Variants in ARK2N observed in about 807,000 individuals in gnomAD.
ARK2N encodes arkadia (RNF111) N-terminal like PKA signaling regulator 2N, also known as protein ARK2N.
the ARK2N span, chr18:46,228,972 G>C: frequency 5.1e-6 from 2 of 391,696 alleles, no homozygotes; most frequent in African/African-American, 2.1e-5. Flanking sequence ...ACAAAATTTT[G>C]AGGAAAGGAA....
At chr18:46,198,451 T>G in the ARK2N span, among the ~76,000 whole-genome samples, 1 of 152,170 alleles carries the variant, frequency 6.6e-6, no homozygotes, top group Non-Finnish European at 1.5e-5. Context: ...AAAAAGTTCA[T>G]TCTCCCATTT....
chr18:46,216,099 C>T, the ARK2N span: 4 of 1,613,958 alleles, frequency 2.5e-6, no homozygotes, highest in Non-Finnish European at 3.4e-6. The surrounding 1 kb of genome is among the most constrained non-coding windows in gnomAD (Gnocchi z 4.3). Context: ...AGTTAGCATC[C>T]ACAGAGAGTG....
chr18:46,183,458 G>A, the ARK2N span, among the ~76,000 whole-genome samples: 1 of 152,168 alleles, frequency 6.6e-6, no homozygotes, highest in African/African-American at 2.4e-5. Flanking sequence ...GGATCAGTAG[G>A]TGCATAATAT....
chr18:46,249,691 T>C, the ARK2N span, among the ~76,000 whole-genome samples: 1 of 152,344 alleles, frequency 6.6e-6, no homozygotes, highest in Non-Finnish European at 1.5e-5. Context: ...GTCTCTCTCA[T>C]TGTTAAAAAC....
the ARK2N span, chr18:46,263,761 G>A: frequency 6.6e-6 from 1 of 152,548 alleles, no homozygotes; most frequent in South Asian, 2.1e-4. Context: ...TACTACTAAG[G>A]TGACCTAGTT....
chr18:46,221,024 T>C, the ARK2N span, among the ~76,000 whole-genome samples: 1 of 151,964 alleles, frequency 6.6e-6, no homozygotes, highest in Non-Finnish European at 1.5e-5. Context: ...TAGTCCCAGC[T>C]GCTCCGGAGG....
At chr18:46,216,431 G>A in the ARK2N span, 1 of 1,614,118 alleles carries the variant, frequency 6.2e-7, no homozygotes, top group Non-Finnish European at 8.5e-7. This position sits in a 1 kb window ranked among gnomAD's most constrained non-coding sequence, Gnocchi z 4.3. Flanking sequence ...GAGAGGATCA[G>A]GCTACTGAGG....
At chr18:46,222,317 T>G in the ARK2N span, among the ~76,000 whole-genome samples, 1 of 152,158 alleles carries the variant, frequency 6.6e-6, no homozygotes, top group African/African-American at 2.4e-5. Context: ...TTCTAAACAG[T>G]GGAGTCTGGT....
chr18:46,257,235 C>G, the ARK2N span, among the ~76,000 whole-genome samples: 1 of 152,084 alleles, frequency 6.6e-6, no homozygotes, highest in Admixed American at 6.6e-5. Flanking sequence ...TGTGGCTGCC[C>G]TGACTTGTGT....
chr18:46,262,174 A>G, the ARK2N span, among the ~76,000 whole-genome samples: 5 of 152,210 alleles, frequency 3.3e-5, no homozygotes, highest in Admixed American at 6.5e-5. Flanking sequence ...TCACAATTCT[A>G]TCATTTGACT....
At chr18:46,185,505 T>C in the ARK2N span, among the ~76,000 whole-genome samples, 1 of 152,242 alleles carries the variant, frequency 6.6e-6, no homozygotes, top group Non-Finnish European at 1.5e-5. Context: ...CATAGCTCTC[T>C]ACTGTGCTAG....
chr18:46,176,457 C>CTT, the ARK2N span, among the ~76,000 whole-genome samples: 1,445 of 133,420 alleles, frequency 0.011, 33 homozygotes, highest in African/African-American at 0.037. Context: ...TGTGTGTGTG[C>CTT]TTTTTTTTTT....
At chr18:46,188,677 A>T in the ARK2N span, among the ~76,000 whole-genome samples, 18 of 152,206 alleles carry the variant, frequency 1.2e-4, no homozygotes, top group African/African-American at 4.1e-4. Flanking sequence ...AATTACTAAC[A>T]TAAAAATATA....
chr18:46,206,349 G>C, the ARK2N span, among the ~76,000 whole-genome samples: 1 of 152,074 alleles, frequency 6.6e-6, no homozygotes, highest in Non-Finnish European at 1.5e-5. Context: ...ACCTCCCAAA[G>C]TGCCGGGATT....
the ARK2N span, among the ~76,000 whole-genome samples, chr18:46,228,486 T>C: frequency 1.3e-5 from 2 of 152,324 alleles, no homozygotes; most frequent in East Asian, 3.9e-4. Flanking sequence ...GGATCCATTC[T>C]GATTTTTATT....
At chr18:46,258,820 C>A in the ARK2N span, among the ~76,000 whole-genome samples, 11 of 152,056 alleles carry the variant, frequency 7.2e-5, no homozygotes, top group East Asian at 2.1e-3. Context: ...TTTTATGTTG[C>A]GTCACAAAAT....
chr18:46,174,346 G>GCGCAGGGC, the ARK2N span: 2 of 152,516 alleles, frequency 1.3e-5, no homozygotes, highest in East Asian at 1.9e-4. Flanking sequence ...GCGGGAAGGG[G>GCGCAGGGC]CGCAGGGCCG....
chr18:46,259,389 G>T, the ARK2N span, among the ~76,000 whole-genome samples: 2 of 151,596 alleles, frequency 1.3e-5, no homozygotes, highest in Admixed American at 1.3e-4. Context: ...GACTACAGGC[G>T]CATGCCACCG....
the ARK2N span, among the ~76,000 whole-genome samples, chr18:46,194,805 ATTT>A: frequency 6.3e-5 from 8 of 126,722 alleles, no homozygotes; most frequent in African/African-American, 5.8e-5. Context: ...AATTTAATTA[ATTT>A]TTTTTTTTTT....
Sources: gnomAD v4.1 joint callset for allele counts (sites outside exome capture counted in the v4.1 genomes callset) on GRCh38, gnomAD v4.1.1 for gene constraint, Gnocchi (gnomAD v3.1) non-coding constraint, MANE v1.5 for transcripts, NCBI Gene and HGNC (gene_info 2026-07-23, HGNC 2026-07-21) for gene names.